Variants in TADA1 observed in about 807,000 individuals in gnomAD.
TADA1 encodes transcriptional adapter 1.
A neutral mutation model predicts 39.3 loss-of-function variants in TADA1; 23 were observed. That is an observed-to-expected ratio of 0.58 (90% CI 0.42 to 0.83). The LOEUF (loss-of-function observed/expected upper bound fraction) is 0.83. Among genes scored for constraint, TADA1 ranks in the 40% least tolerant of loss-of-function variants. The pLI is 0.00. For synonymous variants in TADA1, 137 were observed against 151.8 expected, an observed-to-expected ratio of 0.90 and a Z score of 0.72; for missense variants, 352 against 408.1, an observed-to-expected ratio of 0.86 and a Z score of 1.18.
At chr1:166,857,895 T>A (rs553821505) in intron 7 of TADA1, among the ~76,000 whole-genome samples, 176 bp from the exon 8 acceptor site, 1 of 152,308 alleles carries the variant, frequency 6.6e-6, no homozygotes, top group Admixed American at 6.5e-5. Context: ...GAAACAGGAA[T>A]AGCAGAACAA....
chr1:166,857,836 A>G lies in TADA1; in HGVS notation c.856-117T>C, dbSNP rs1571235838. 6.0e-6 allele frequency: 7 copies of G among 1,161,680 alleles called. No individual in the cohort carries two copies. In the East Asian group the frequency reaches 1.7e-4, roughly 28 times the overall value. 72.0% of individuals were successfully genotyped at this position (1,161,680 alleles called of 1,614,324 possible). ...ACAATCTATAAACTTTCAGTCATAC[A>G]CTAAAATGAATCACCAATTGGATAA... On this transcript the variant is annotated intron_variant, in intron 7 of 7. Coordinates refer to ENST00000367874, the MANE Select transcript of TADA1 (RefSeq NM_053053.4).
chr1:166,871,834 C>A (rs1044489471), intron 1 of TADA1, among the ~76,000 whole-genome samples: 5 of 151,046 alleles, frequency 3.3e-5, no homozygotes, highest in Non-Finnish European at 7.4e-5. Flanking sequence ...CCAACAACAA[C>A]AAAAAAAATA....
intron 1 of TADA1, among the ~76,000 whole-genome samples, chr1:166,873,271 AAAAT>A (rs1176413881): frequency 6.6e-6 from 1 of 152,212 alleles, no homozygotes; most frequent in African/African-American, 2.4e-5. Context: ...ACTCTCTCTC[AAAAT>A]AAATAAATAA....
Position 166,859,136 on chromosome 1 carries a change from A to AT in TADA1, c.693-856dup, listed in dbSNP as rs1658349516. On this transcript the variant is annotated intron_variant, in intron 6 of 7. Transcript: ENST00000367874. ...ATCTAAACAGTAAACCCAATTTAAG[A>AT]TGGGTTAAAATAGGCCCATGACCCC... 3.3e-5 allele frequency among the ~76,000 whole-genome samples: 5 copies of AT among 152,198 alleles called. No individual in the cohort carries two copies. In the South Asian group the frequency reaches 1.0e-3, roughly 32 times the overall value.
intron 5 of TADA1, among the ~76,000 whole-genome samples, chr1:166,860,951 G>A (rs1391118642): frequency 6.6e-6 from 1 of 152,246 alleles, no homozygotes; most frequent in Middle Eastern, 3.4e-3. Flanking sequence ...TTACAGGCAT[G>A]AGCAAAAATG....
chr1:166,860,388 T>A, intron 5 of TADA1, 51 bp from the exon 6 acceptor site: 1 of 1,539,444 alleles, frequency 6.5e-7, no homozygotes, highest in South Asian at 1.2e-5. Context: ...TAAAAGCAAA[T>A]CATAAAACTT....
At chr1:166,873,795 AC>A (rs1256661839) in intron 1 of TADA1, among the ~76,000 whole-genome samples, 1 of 152,194 alleles carries the variant, frequency 6.6e-6, no homozygotes, top group Non-Finnish European at 1.5e-5. Flanking sequence ...TCAGTATTTG[AC>A]CAACATCAGA....
intron 1 of TADA1, among the ~76,000 whole-genome samples, chr1:166,871,481 T>G (rs1658659551): frequency 6.6e-6 from 1 of 152,260 alleles, no homozygotes; most frequent in South Asian, 2.1e-4. Context: ...TGTAATTGAC[T>G]ATGATCATAT....
intron 3 of TADA1, 69 bp from the exon 4 acceptor site, chr1:166,863,990 T>C: frequency 7.5e-7 from 1 of 1,337,582 alleles, no homozygotes; most frequent in Non-Finnish European, 1.0e-6. Context: ...TTTGTTTTCA[T>C]TTGGGGTAAA....
intron 1 of TADA1, among the ~76,000 whole-genome samples, chr1:166,872,466 G>T (rs944554900): frequency 6.6e-6 from 1 of 152,170 alleles, no homozygotes; most frequent in Non-Finnish European, 1.5e-5. Context: ...GAGGTCAGGA[G>T]TTTGAGACCA....
intron 4 of TADA1, 160 bp from the exon 5 acceptor site, chr1:166,862,572 A>C (rs933984363): frequency 1.9e-5 from 12 of 620,136 alleles, no homozygotes; most frequent in Admixed American, 8.5e-5. Context: ...AAATAATCAC[A>C]GATTCACATC....
chr1:166,857,592 G>T lies in TADA1; in HGVS notation c.983C>A (p.Ala328Asp), dbSNP rs1369156860. ...TTAGCACAGCAAAAGCCCCTCCTTG[G>T]CTGCCAAGCGCTGGCGGTGAACTTT... Reference protein sequence around the residue: ...QDKVHRQRLAAKEGLLLC With the variant: ...QDKVHRQRLADKEGLLLC Residue 328 changes from alanine (A) to aspartate (D), a missense_variant, in exon 8 of 8, where the codon GCC (alanine) becomes GAC (aspartate). By Grantham distance (126) the Ala-to-Asp change is moderately radical (BLOSUM62 -2). This residue lies in a region of TADA1 where 285 missense variants were observed against 310.9 expected (regional missense o/e 0.92). Transcript: ENST00000367874. 1.1e-5 allele frequency: 17 copies of T among 1,614,116 alleles called. No individual in the cohort carries two copies. The highest frequency in any genetic ancestry group is 1.4e-5 in the Non-Finnish European group (17 of 1,180,030).
rs1436764134 is a variant in TADA1, at chr1:166,860,415, A to T, written c.541-78T>A. On this transcript the variant is annotated intron_variant, in intron 5 of 7. Transcript: ENST00000367874. ...ATAAAACTTCCACTGACCAAAAAAC[A>T]TTTATTGGCATTTAGATGGAGATGC... 13 of 1,372,624 alleles carry T rather than the reference A, an allele frequency of 9.5e-6. No homozygotes were observed. In the Admixed American group the frequency reaches 2.9e-4, roughly 30 times the overall value. The allele number at this position is 1,372,624 out of a possible 1,614,324, so 85.0% of individuals were successfully genotyped here. A position where few individuals can be genotyped will look rare whatever the true frequency, so the allele number is the denominator to read the frequency against.
intron 3 of TADA1, among the ~76,000 whole-genome samples, chr1:166,867,036 T>C (rs1658552398): frequency 6.6e-6 from 1 of 152,200 alleles, no homozygotes; most frequent in South Asian, 2.1e-4. Flanking sequence ...TGAGCCACTG[T>C]GTCTGGCTGG....
Position 166,860,145 on chromosome 1 carries a change from T to C in TADA1, c.692+41A>G, listed in dbSNP as rs764972192. On this transcript the variant is annotated intron_variant, in intron 6 of 7. Transcript: ENST00000367874. ...GGTCTATAAGAGGAGTATAAACAAC[T>C]AGCAAAAGATGGAAAGAAAATCACA... 8 of 1,566,980 alleles carry C rather than the reference T, an allele frequency of 5.1e-6. No individual in the cohort carries two copies. In the Admixed American group the frequency reaches 1.5e-4, roughly 30 times the overall value.
intron 1 of TADA1, among the ~76,000 whole-genome samples, chr1:166,873,800 C>G (rs933208129): frequency 6.6e-6 from 1 of 152,194 alleles, no homozygotes; most frequent in Non-Finnish European, 1.5e-5. Context: ...ATTTGACCAA[C>G]ATCAGACAGT....
chr1:166,858,747 A>G (rs771817839), intron 6 of TADA1, among the ~76,000 whole-genome samples: 21 of 152,264 alleles, frequency 1.4e-4, no homozygotes, highest in Non-Finnish European at 2.2e-4. Flanking sequence ...GAGAAGTCAG[A>G]CATAGTTTTT....
chr1:166,862,223 C>G lies in TADA1; in HGVS notation c.520G>C (p.Ala174Pro). The G allele has an allele frequency of 6.2e-7, 1 of 1,613,556 alleles. No homozygotes were observed. The highest frequency in any genetic ancestry group is 8.5e-7 in the Non-Finnish European group (1 of 1,179,902). ...LDNVTEEAVS[A>P]VVYAVENHLK... is the part of the protein sequence containing the mutation. ...CCAACCTCCACAGCATAGACAACAG[C>G]TGAAACAGCCTCCTCGGTGACATTG... The change falls in exon 5 of 8, where the codon GCT (alanine) becomes CCT (proline). Residue 174 changes from alanine (A) to proline (P), a missense_variant. Around this residue, in one of 3 missense-constraint regions of TADA1, gnomAD observed 285 missense variants for 310.9 expected, o/e 0.92. Coordinates refer to ENST00000367874, the MANE Select transcript of TADA1 (RefSeq NM_053053.4).
chr1:166,869,180 A>T, intron 3 of TADA1: 1 of 448,734 alleles, frequency 2.2e-6, no homozygotes, highest in Non-Finnish European at 4.2e-6. Context: ...AAAGGGGTTC[A>T]GGAGGTTTGG....
Sources: gnomAD v4.1 joint callset for allele counts (sites outside exome capture counted in the v4.1 genomes callset) on GRCh38, gnomAD v4.1.1 for gene constraint, gnomAD v4.1.1 regional missense constraint, MANE v1.5 for transcripts, NCBI Gene and HGNC (gene_info 2026-07-23, HGNC 2026-07-21) for gene names.